ZDHHC21: variants seen among roughly 807,000 people sequenced by gnomAD.
ZDHHC21 encodes palmitoyltransferase ZDHHC21.
In ZDHHC21, 15 loss-of-function variants were observed where a neutral mutation model predicts 34.6. The ratio of observed to expected loss-of-function variants is 0.43; its 90% CI spans 0.29 to 0.67. ZDHHC21 has a LOEUF of 0.67. Ranked by LOEUF, ZDHHC21 falls within the 30% of genes least tolerant of loss-of-function variation. The pLI is 0.14. For missense variants in ZDHHC21, 344 were observed against 327.7 expected, an observed-to-expected ratio of 1.05 and a Z score of -0.38; for synonymous variants, 142 against 101.8, an observed-to-expected ratio of 1.40 and a Z score of -2.38.
At chr9:14,659,753 G>C (rs1448516599) in intron 6 of ZDHHC21, among the ~76,000 whole-genome samples, 1 of 152,088 alleles carries the variant, frequency 6.6e-6, no homozygotes, top group Non-Finnish European at 1.5e-5. Flanking sequence ...GTCAAATACA[G>C]ACCTGAACTG....
At chr9:14,591,432 G>A in the ZDHHC21 span, among the ~76,000 whole-genome samples, 3 of 152,052 alleles carry the variant, frequency 2.0e-5, no homozygotes, top group Non-Finnish European at 4.4e-5. Context: ...CACTGAATCT[G>A]CTGGAGCCTT....
intron 2 of ZDHHC21, among the ~76,000 whole-genome samples, chr9:14,681,148 T>C (rs533473118): frequency 1.3e-5 from 2 of 152,326 alleles, no homozygotes; most frequent in African/African-American, 2.4e-5. Context: ...CAGATATATA[T>C]GAATAACTAA....
the ZDHHC21 span, among the ~76,000 whole-genome samples, chr9:14,598,306 T>C: frequency 6.6e-6 from 1 of 152,116 alleles, no homozygotes. Flanking sequence ...CTAACAACCA[T>C]AGCCTAAGCC....
chr9:14,594,938 C>T, the ZDHHC21 span, among the ~76,000 whole-genome samples: 1 of 152,122 alleles, frequency 6.6e-6, no homozygotes, highest in Non-Finnish European at 1.5e-5. Flanking sequence ...TTCAACATCA[C>T]TAGCCATTTG....
intron 8 of ZDHHC21, among the ~76,000 whole-genome samples, chr9:14,633,065 C>T (rs1204996466): frequency 2.0e-5 from 3 of 152,108 alleles, no homozygotes; most frequent in Non-Finnish European, 4.4e-5. Flanking sequence ...TCTATATACC[C>T]CAAAGAAATG....
the ZDHHC21 span, among the ~76,000 whole-genome samples, chr9:14,599,556 T>C: frequency 6.6e-6 from 1 of 151,996 alleles, no homozygotes; most frequent in Admixed American, 6.6e-5. Context: ...GCAGGAGTTT[T>C]TTTTTTTTCC....
chr9:14,693,161 T>C (rs1269561031), intron 1 of ZDHHC21, 68 bp downstream of exon 1: 1 of 107,452 alleles, frequency 9.3e-6, no homozygotes, highest in Non-Finnish European at 1.7e-5. Flanking sequence ...GGGCCGGGGA[T>C]GGGGGTGGGG....
intron 2 of ZDHHC21, among the ~76,000 whole-genome samples, chr9:14,686,506 C>T (rs1182321371): frequency 6.6e-6 from 1 of 152,194 alleles, no homozygotes; most frequent in Non-Finnish European, 1.5e-5. Context: ...TTTCTTTTCC[C>T]TTTATACATT....
At chr9:14,635,372 G>A (rs768290384) in intron 8 of ZDHHC21, among the ~76,000 whole-genome samples, 5 of 152,124 alleles carry the variant, frequency 3.3e-5, no homozygotes, top group South Asian at 2.1e-4. Flanking sequence ...GGTCTTCTCC[G>A]ATTTGGCACA....
At chr9:14,630,167 C>T (rs1827083265) in intron 8 of ZDHHC21, among the ~76,000 whole-genome samples, 1 of 152,206 alleles carries the variant, frequency 6.6e-6, no homozygotes, top group South Asian at 2.1e-4. Context: ...AGTAGGACTT[C>T]GTTAAAAAAT....
the ZDHHC21 span, among the ~76,000 whole-genome samples, chr9:14,595,433 C>A: frequency 6.6e-6 from 1 of 152,130 alleles, no homozygotes; most frequent in Non-Finnish European, 1.5e-5. Flanking sequence ...TGTATGATTC[C>A]ATTTATAGTA....
chr9:14,643,324 T>C (rs1459832436), intron 7 of ZDHHC21, among the ~76,000 whole-genome samples: 7 of 152,202 alleles, frequency 4.6e-5, no homozygotes, highest in Admixed American at 1.3e-4. Flanking sequence ...TGAAACCAAG[T>C]AGAGCCTCCT....
chr9:14,692,268 CTG>C (rs1839267902), intron 1 of ZDHHC21, among the ~76,000 whole-genome samples: 1 of 152,118 alleles, frequency 6.6e-6, no homozygotes, highest in Admixed American at 6.5e-5. Context: ...CAAATGGTGA[CTG>C]TTATTAATAT....
intron 3 of ZDHHC21, among the ~76,000 whole-genome samples, chr9:14,676,191 T>A (rs187912734): frequency 6.6e-6 from 1 of 151,908 alleles, no homozygotes; most frequent in Non-Finnish European, 1.5e-5. Context: ...AAGCCAAAAT[T>A]AGGTTTGCAG....
downstream of ZDHHC21, among the ~76,000 whole-genome samples, chr9:14,608,899 G>C (rs2133351423): frequency 6.6e-6 from 1 of 152,106 alleles, no homozygotes; most frequent in South Asian, 2.1e-4. Context: ...TTTAGTTTTT[G>C]CCTCTTTATA....
chr9:14,685,729 A>G (rs530807364), intron 2 of ZDHHC21, among the ~76,000 whole-genome samples: 90 of 152,376 alleles, frequency 5.9e-4, no homozygotes, highest in African/African-American at 2.1e-3. Flanking sequence ...ATTACAAATC[A>G]TGCTGCTATA....
At chr9:14,654,151 T>G (rs944538314) in intron 7 of ZDHHC21, among the ~76,000 whole-genome samples, 1 of 151,952 alleles carries the variant, frequency 6.6e-6, no homozygotes, top group Non-Finnish European at 1.5e-5. Context: ...CAATCCACAA[T>G]AAACACCTCA....
At chr9:14,600,027 T>G in the ZDHHC21 span, among the ~76,000 whole-genome samples, 1 of 152,198 alleles carries the variant, frequency 6.6e-6, no homozygotes, top group African/African-American at 2.4e-5. Flanking sequence ...GAGCTATTTA[T>G]GACAAAACCA....
At chr9:14,670,712 C>T (rs1404842979) in intron 5 of ZDHHC21, among the ~76,000 whole-genome samples, 2 of 151,958 alleles carry the variant, frequency 1.3e-5, no homozygotes, top group Non-Finnish European at 2.9e-5. Context: ...TGAGAAATAC[C>T]TGTAAAAACT....
Sources: gnomAD v4.1 joint callset for allele counts (sites outside exome capture counted in the v4.1 genomes callset) on GRCh38, gnomAD v4.1.1 for gene constraint, MANE v1.5 for transcripts, NCBI Gene and HGNC (gene_info 2026-07-23, HGNC 2026-07-21) for gene names.